C3: variants seen among roughly 807,000 people sequenced by gnomAD.
The protein encoded by C3 is complement C3.
In C3, 97 loss-of-function variants were observed where a neutral mutation model predicts 207.9. The observed-to-expected ratio is 0.47, with a 90% CI of 0.40 to 0.55. The LOEUF is 0.55. Among genes scored for constraint, C3 ranks in the 20% least tolerant of loss-of-function variants. The probability of loss-of-function intolerance (pLI) is 0.00; values close to 1 mark genes in which losing one functional copy is unlikely to be tolerated. For missense variants in C3, 1,684 were observed against 2,171.7 expected, an observed-to-expected ratio of 0.78 and a Z score of 4.46; for synonymous variants, 848 against 857.6, an observed-to-expected ratio of 0.99 and a Z score of 0.20.
Position 6,719,479 on chromosome 19 carries a change from T to C in C3, c.75-76A>G. On this transcript the variant is annotated intron_variant, in intron 1 of 40. Transcript: ENST00000245907. The surrounding 1 kb of genome is among the most constrained non-coding windows in gnomAD (Gnocchi z 5.4). ...GCCAGTCCTCACTGGAGTCAGCGCC[T>C]GGCAGGCTGTGTGCCCCAGCCTCTG... 7.4e-7 allele frequency: 1 copy of C among 1,351,178 alleles called. No individual in the cohort carries two copies. The highest frequency in any genetic ancestry group is 1.0e-6 in the Non-Finnish European group (1 of 954,246). 83.7% of individuals were successfully genotyped at this position (1,351,178 alleles called of 1,614,324 possible). A position where few individuals can be genotyped will look rare whatever the true frequency, so the allele number is the denominator to read the frequency against.
rs77595779 is a variant in C3 at position 6,690,079 on chromosome 19, A to G, written c.3489+550T>C. ...TTCCAAGCTTCCCTGCTTCAGAATC[A>G]AAACCAGAGGAAAAAGAGACAGTGA... is the stretch of plus-strand genomic sequence containing the variant. On this transcript the variant is annotated intron_variant, in intron 27 of 40. Coordinates refer to ENST00000245907, the MANE Select transcript of C3 (RefSeq NM_000064.4). 4.7e-3 allele frequency among the ~76,000 whole-genome samples: 712 copies of G among 152,306 alleles called. 5 individuals are homozygous for G. The highest frequency in any genetic ancestry group is 0.016 in the African/African-American group (663 of 41,570).
intron 29 of C3, among the ~76,000 whole-genome samples, chr19:6,685,852 A>T (rs1312923756): frequency 1.3e-5 from 2 of 152,178 alleles, no homozygotes; most frequent in East Asian, 3.8e-4. Flanking sequence ...GTGGAGAGAG[A>T]GGCTTAGACC....
intron 21 of C3, among the ~76,000 whole-genome samples, chr19:6,697,050 A>AAAAT (rs1555684989): frequency 2.1e-5 from 2 of 93,044 alleles, no homozygotes; most frequent in African/African-American, 7.5e-5. Flanking sequence ...TCAAAAAAAT[A>AAAAT]AACAAACAAA....
chr19:6,678,348 G>A (rs560468995), intron 39 of C3, 24 bp downstream of exon 39: 6 of 1,614,132 alleles, frequency 3.7e-6, no homozygotes, highest in South Asian at 3.3e-5. Context: ...GAAGAGCCAC[G>A]GGAGGCAGCG....
chr19:6,682,283 G>T (rs1178062716), intron 33 of C3, 54 bp from the exon 34 acceptor site: 4 of 1,401,214 alleles, frequency 2.9e-6, no homozygotes, highest in Non-Finnish European at 4.1e-6. Context: ...CAGCCCCAAG[G>T]GTCTGTTCCT....
chr19:6,693,740 G>T (rs1475555848), intron 24 of C3, among the ~76,000 whole-genome samples: 3 of 149,300 alleles, frequency 2.0e-5, no homozygotes, highest in Non-Finnish European at 3.0e-5. Flanking sequence ...TCAGGGAGGG[G>T]AGGGCTCTCA....
At chr19:6,706,185 C>T (rs1351072696) in intron 17 of C3, among the ~76,000 whole-genome samples, 3 of 152,194 alleles carry the variant, frequency 2.0e-5, no homozygotes, top group African/African-American at 7.2e-5. Flanking sequence ...CTTAGCTTTC[C>T]CATTGGTAAT....
chr19:6,684,707 A>C, intron 31 of C3, 57 bp from the exon 32 acceptor site: 1 of 1,601,096 alleles, frequency 6.2e-7, no homozygotes, highest in South Asian at 1.1e-5. Context: ...ACTGCTGGGG[A>C]CAAGAGGAGA....
intron 21 of C3, among the ~76,000 whole-genome samples, chr19:6,697,091 G>T (rs1967555517): frequency 7.2e-6 from 1 of 139,138 alleles, no homozygotes. Flanking sequence ...TTCAAATCGA[G>T]TATAAAAAAA....
At chr19:6,688,349 G>T (rs1918065716) in intron 27 of C3, among the ~76,000 whole-genome samples, 2 of 152,036 alleles carry the variant, frequency 1.3e-5, no homozygotes, top group Admixed American at 1.3e-4. Flanking sequence ...GGCCAGGGTG[G>T]TTTTGAACTC....
chr19:6,683,653 G>A (rs891330984), intron 33 of C3, among the ~76,000 whole-genome samples: 2 of 151,772 alleles, frequency 1.3e-5, no homozygotes, highest in Non-Finnish European at 2.9e-5. Flanking sequence ...GTGTTTCACC[G>A]TGTTAGCCAG....
intron 23 of C3, 114 bp from the exon 24 acceptor site, chr19:6,694,748 C>G (rs546140720): frequency 4.4e-6 from 4 of 919,298 alleles, no homozygotes; most frequent in Admixed American, 4.5e-5. Context: ...TAGGGACAGG[C>G]GAGGACTGGG....
At chr19:6,688,335 T>C (rs1374715934) in intron 27 of C3, among the ~76,000 whole-genome samples, 1 of 152,150 alleles carries the variant, frequency 6.6e-6, no homozygotes, top group African/African-American at 2.4e-5. Context: ...GGTTTTGCCA[T>C]GTTGGCCAGG....
chr19:6,710,051 CA>C (rs1967872799), intron 13 of C3, among the ~76,000 whole-genome samples: 1 of 53,858 alleles, frequency 1.9e-5, no homozygotes, highest in Non-Finnish European at 3.5e-5. Flanking sequence ...AAGGGAGAGA[CA>C]GGGAGAGAGA....
At chr19:6,686,410 C>T (rs11666133) in intron 28 of C3, 123 bp from the exon 29 acceptor site, 35,907 of 1,064,836 alleles carry the variant, frequency 0.034, 800 homozygotes, top group Non-Finnish European at 0.045. Context: ...GGCTGACATT[C>T]GAGGCTCTCA....
intron 7 of C3, 33 bp from the exon 8 acceptor site, chr19:6,713,542 T>C (rs1441605531): frequency 1.3e-6 from 2 of 1,513,856 alleles, no homozygotes; most frequent in African/African-American, 1.4e-5. Context: ...TTCAGGTCCA[T>C]CCCTCCTGGA....
chr19:6,710,669 C>T lies in C3; in HGVS notation c.1656G>A (p.Trp552Ter). 6.2e-7 allele frequency: 1 copy of T among 1,613,228 alleles called. No homozygotes were observed. Among genetic ancestry groups the T allele is most frequent in the Non-Finnish European group, 8.5e-7 (1 of 1,179,836 alleles). ...GQREVVADSVWVDVKDSCVGS... is the reference protein window; with the variant it reads ...GQREVVADSV The stretch of plus-strand genomic sequence containing the variant: ...CCACGCAGGAGTCCTTGACGTCCAC[C>T]CACACGGAGTCGGCCACCACCTCCC... Residue 552 changes from tryptophan (W) to a stop codon, truncating the protein, a stop_gained, in exon 13 of 41, where the codon TGG becomes TGA. Coordinates refer to ENST00000245907, the MANE Select transcript of C3 (RefSeq NM_000064.4). LOFTEE classifies it high-confidence loss of function.
intron 23 of C3, among the ~76,000 whole-genome samples, chr19:6,695,450 G>C (rs1967510717): frequency 6.6e-6 from 1 of 152,034 alleles, no homozygotes; most frequent in South Asian, 2.1e-4. Flanking sequence ...TTCTGCTCTT[G>C]TACTATGTTG....
chr19:6,715,095 A>G lies in C3; in HGVS notation c.505-649T>C, dbSNP rs567940996. Among the ~76,000 whole-genome samples the G allele has an allele frequency of 2.0e-5, 3 of 152,056 alleles. No individual in the cohort carries two copies. In the South Asian group the frequency reaches 6.2e-4, roughly 32 times the overall value. Reference sequence around the variant, plus strand: ...TACTAATAACTAGTAGTGTCATTTCATTTGCTGCCAACATTTAAACATCAT... The same window carrying G: ...TACTAATAACTAGTAGTGTCATTTCGTTTGCTGCCAACATTTAAACATCAT... On this transcript the variant is annotated intron_variant, in intron 4 of 40. Transcript: ENST00000245907.
Sources: gnomAD v4.1 joint callset for allele counts (sites outside exome capture counted in the v4.1 genomes callset) on GRCh38, gnomAD v4.1.1 for gene constraint, Gnocchi (gnomAD v3.1) non-coding constraint, MANE v1.5 for transcripts, NCBI Gene and HGNC (gene_info 2026-07-23, HGNC 2026-07-21) for gene names.